RIF1: variants seen among roughly 807,000 people sequenced by gnomAD.
RIF1 encodes the protein replication timing regulatory factor 1, also known as telomere-associated protein RIF1.
RIF1 carries 45 observed loss-of-function variants against 247.1 expected under a neutral mutation model. That is an observed-to-expected ratio of 0.18 (90% CI 0.14 to 0.23). The LOEUF (loss-of-function observed/expected upper bound fraction) is 0.23, where lower values mean the gene tolerates loss of function less well. Among genes scored for constraint, RIF1 ranks in the 10% least tolerant of loss-of-function variants. The pLI is 1.00. For missense variants in RIF1, 2,967 were observed against 2,862.5 expected (o/e 1.04, Z -0.83); for synonymous variants, 1,087 against 978.8 (o/e 1.11, Z -2.06).
chr2:151,452,385 GT>G (rs1694465891), intron 21 of RIF1, among the ~76,000 whole-genome samples: 1 of 152,168 alleles, frequency 6.6e-6, no homozygotes, highest in African/African-American at 2.4e-5. Flanking sequence ...GTGATAATCT[GT>G]CATTAATGAA....
At chr2:151,513,496 T>TA in the RIF1 span, 2 of 966,090 alleles carry the variant, frequency 2.1e-6, no homozygotes, top group Non-Finnish European at 1.6e-6. Context: ...CTGTCACCAA[T>TA]AAATCAGATG....
chr2:151,446,622 T>C (rs1693315309), intron 20 of RIF1, 47 bp downstream of exon 20: 1 of 1,563,936 alleles, frequency 6.4e-7, no homozygotes, highest in Non-Finnish European at 8.7e-7. Flanking sequence ...TTTAAAGGAT[T>C]CTTTTCAAGT....
intron 10 of RIF1, chr2:151,496,193 A>T (rs1471376972): frequency 7.3e-7 from 1 of 1,366,886 alleles, no homozygotes; most frequent in Non-Finnish European, 1.0e-6. Flanking sequence ...GTCTTTAAAA[A>T]GTAGGATTAA....
Position 151,507,028 on chromosome 2 carries a change from T to TA in RIF1, c.*1027+656dup, listed in dbSNP as rs1553601622. ...TGGTATTGGAGCTATGAAGAAAGAG[T>TA]AAACATCTTGTTAAGATTTCAACAT... is the stretch of plus-strand genomic sequence containing the variant. On this transcript the variant is annotated intron_variant and NMD_transcript_variant, in intron 13 of 13. Transcript: ENST00000454583. 1 of 1,438,724 alleles carries TA rather than the reference T, an allele frequency of 7.0e-7. No individual in the cohort carries two copies. Among genetic ancestry groups the TA allele is most frequent in the African/African-American group, 1.4e-5 (1 of 71,008 alleles). The allele number at this position is 1,438,724 out of a possible 1,614,324, so 89.1% of individuals were successfully genotyped here. A position where few individuals can be genotyped will look rare whatever the true frequency, so the allele number is the denominator to read the frequency against.
At chr2:151,531,108 G>C in the RIF1 span, 1 of 1,572,500 alleles carries the variant, frequency 6.4e-7, no homozygotes, top group Non-Finnish European at 8.7e-7. Flanking sequence ...GGATCTGAAA[G>C]ATCAAAAAGC....
the RIF1 span, chr2:151,524,226 A>G: frequency 8.4e-7 from 1 of 1,194,524 alleles, no homozygotes; most frequent in Non-Finnish European, 1.2e-6. Context: ...ATCCCTTTGC[A>G]TTTTCAATCT....
intron 11 of RIF1, among the ~76,000 whole-genome samples, 186 bp downstream of exon 11, chr2:151,435,766 T>G (rs934203521): frequency 2.0e-5 from 3 of 150,994 alleles, no homozygotes; most frequent in Non-Finnish European, 4.4e-5. Context: ...TTCTGTTTTT[T>G]GTTTTTTTTT....
intron 10 of RIF1, chr2:151,497,150 A>G (rs1451092521): frequency 4.4e-6 from 6 of 1,358,424 alleles, no homozygotes; most frequent in Middle Eastern, 1.8e-4. Flanking sequence ...CCAAGGAGCC[A>G]GAAGTTATAT....
chr2:151,532,883 A>G, the RIF1 span, among the ~76,000 whole-genome samples: 1 of 152,154 alleles, frequency 6.6e-6, no homozygotes, highest in Non-Finnish European at 1.5e-5. Flanking sequence ...TGGCCTTCTA[A>G]AAAGGCATTA....
At chr2:151,490,146 A>T in intron 9 of RIF1, 1 of 1,283,304 alleles carries the variant, frequency 7.8e-7, no homozygotes, top group South Asian at 1.4e-5. Context: ...TGTGTTTAGC[A>T]GCTGAGTGAT....
chr2:151,506,786 C>T (rs2069362556), intron 13 of RIF1: 2 of 676,120 alleles, frequency 3.0e-6, no homozygotes, highest in Non-Finnish European at 5.1e-6. Flanking sequence ...TAGCAAATCA[C>T]TGCTAGTATT....
downstream of RIF1, chr2:151,486,031 CTT>C (rs2050043311): frequency 3.2e-6 from 4 of 1,269,116 alleles, no homozygotes; most frequent in East Asian, 2.4e-5. Context: ...ACTCCACAAA[CTT>C]AAGTTGAACA....
At chr2:151,473,239 A>G (rs1559035464) in intron 34 of RIF1, among the ~76,000 whole-genome samples, 1 of 146,304 alleles carries the variant, frequency 6.8e-6, no homozygotes, top group Non-Finnish European at 1.5e-5. Context: ...TGAACTTAGT[A>G]TTTTCTCAAT....
intron 30 of RIF1, among the ~76,000 whole-genome samples, chr2:151,467,490 A>G (rs1432817555): frequency 6.6e-6 from 1 of 151,996 alleles, no homozygotes; most frequent in African/African-American, 2.4e-5. Context: ...CATTACAGGC[A>G]TGTGCCACTA....
At position 151,428,941 on chromosome 2, in the gene RIF1, A is replaced by C; in HGVS notation, c.925+19A>C. On this transcript the variant is annotated intron_variant, in intron 9 of 35. Transcript: ENST00000444746. The stretch of plus-strand genomic sequence containing the variant: ...AATCCAGGTAAGTAATATTTTAACA[A>C]TTTTGATTTTCTGTGAATTTGTTTT... 2 of 1,382,246 alleles carry C rather than the reference A, an allele frequency of 1.4e-6. No homozygotes were observed. Among genetic ancestry groups the C allele is most frequent in the South Asian group, 2.5e-5 (2 of 80,176 alleles). 85.6% of individuals were successfully genotyped at this position (1,382,246 alleles called of 1,614,324 possible).
At chr2:151,528,282 C>A in the RIF1 span, among the ~76,000 whole-genome samples, 53 of 152,296 alleles carry the variant, frequency 3.5e-4, no homozygotes, top group African/African-American at 1.3e-3. Context: ...CACTATTAGG[C>A]ACATTTCTTT....
In RIF1 at chr2:151,456,625, A is replaced by C; in HGVS notation, c.2652+5A>C. The stretch of plus-strand genomic sequence containing the variant: ...TATAGTTGTCTGAACAACAAGGTAA[A>C]AATAGACAATTCTCCATAAACCATA... On this transcript the variant is annotated splice_donor_5th_base_variant and intron_variant, in intron 23 of 35. Coordinates refer to ENST00000444746, the MANE Select transcript of RIF1 (RefSeq NM_018151.5). The C allele has an allele frequency of 6.8e-7, 1 of 1,480,204 alleles. No individual in the cohort carries two copies. 91.7% of individuals were successfully genotyped at this position (1,480,204 alleles called of 1,614,324 possible).
rs774584899 is a variant in RIF1 at position 151,464,609 on chromosome 2, T to C, written c.5089T>C (p.Ser1697Pro). The C allele has an allele frequency of 2.5e-5, 40 of 1,613,528 alleles. No homozygotes were observed. The Admixed American group carries it at 6.7e-4, about 27-fold the overall frequency. Residue 1697 changes from serine (S) to proline (P), a missense_variant, in exon 30 of 36, where the codon TCC becomes CCC. By Grantham distance (74) the Ser-to-Pro change is moderately conservative (BLOSUM62 -1). Coordinates refer to ENST00000444746, the MANE Select transcript of RIF1 (RefSeq NM_018151.5). ...DSFDNCSLGE[S>P]SKIGISDISS... ...TTTTGATAATTGTAGTTTGGGAGAA[T>C]CCTCAAAAATAGGGATATCAGATAT... is the stretch of plus-strand genomic sequence containing the variant.
At chr2:151,511,681 A>G (rs551656396), downstream of RIF1, among the ~76,000 whole-genome samples, 18 of 152,160 alleles carry the variant, frequency 1.2e-4, no homozygotes, top group Non-Finnish European at 2.1e-4. Flanking sequence ...ATCACTGACA[A>G]TCGTTCATAC....
Sources: gnomAD v4.1 joint callset for allele counts (sites outside exome capture counted in the v4.1 genomes callset) on GRCh38, gnomAD v4.1.1 for gene constraint, MANE v1.5 for transcripts, NCBI Gene and HGNC (gene_info 2026-07-23, HGNC 2026-07-21) for gene names.